CNTN5: variants seen among roughly 807,000 people sequenced by gnomAD.
The protein encoded by CNTN5 is contactin-5.
A neutral mutation model predicts 129.1 loss-of-function variants in CNTN5; 77 were observed. The observed-to-expected ratio is 0.60, with a 90% CI of 0.50 to 0.72. The LOEUF is 0.72. CNTN5 is among the 30% of genes least tolerant of loss of function. CNTN5 has a pLI of 0.00. For missense variants in CNTN5, 1,478 were observed against 1,328.8 expected (o/e 1.11, Z -1.75); for synonymous variants, 509 against 465.6 (o/e 1.09, Z -1.20).
At chr11:99,616,028 G>T (rs778295327) in intron 3 of CNTN5, among the ~76,000 whole-genome samples, 15 of 151,992 alleles carry the variant, frequency 9.9e-5, no homozygotes, top group Admixed American at 7.2e-4. Flanking sequence ...AAGCCACCAT[G>T]ACTGGCCTAG....
At chr11:99,594,683 C>G (rs1384967630) in intron 3 of CNTN5, among the ~76,000 whole-genome samples, 1 of 152,106 alleles carries the variant, frequency 6.6e-6, no homozygotes, top group East Asian at 1.9e-4. Flanking sequence ...CAGGTTTGCC[C>G]AGCACAAAGC....
In CNTN5 at chr11:99,979,512, C is replaced by A. The variant is rs187000405; in HGVS notation, c.877+22503C>A. On this transcript the variant is annotated intron_variant, in intron 8 of 24. Coordinates refer to ENST00000524871, the MANE Select transcript of CNTN5 (RefSeq NM_014361.4). ...AACCAAAAAACAAACCCACCTTCATCTTTTATGTTTTTGTGTGAGGCAGGC... is the reference window on the plus strand; with the variant it reads ...AACCAAAAAACAAACCCACCTTCATATTTTATGTTTTTGTGTGAGGCAGGC... 1.8e-4 allele frequency among the ~76,000 whole-genome samples: 27 copies of A among 152,192 alleles called. No homozygotes were observed. The East Asian group carries it at 3.7e-3, about 21-fold the overall frequency.
chr11:99,831,519 C>G (rs1357971757), intron 4 of CNTN5, among the ~76,000 whole-genome samples: 1 of 152,136 alleles, frequency 6.6e-6, no homozygotes, highest in Non-Finnish European at 1.5e-5. Context: ...TGCAGCTCAT[C>G]CATTTGCTGA....
chr11:99,337,279 C>T (rs866218078), intron 2 of CNTN5, among the ~76,000 whole-genome samples: 27 of 152,058 alleles, frequency 1.8e-4, no homozygotes, highest in East Asian at 1.2e-3. Context: ...AACCCAGCAG[C>T]GCTAGAGGAA....
intron 2 of CNTN5, among the ~76,000 whole-genome samples, chr11:99,444,900 T>C (rs1019782135): frequency 6.6e-6 from 1 of 151,738 alleles, no homozygotes; most frequent in African/African-American, 2.4e-5. Flanking sequence ...GTTAATACAG[T>C]TTTTGTTTTA....
At chr11:100,340,335 G>A (rs541610064) in intron 21 of CNTN5, 128 bp from the exon 22 acceptor site, 1 of 622,378 alleles carries the variant, frequency 1.6e-6, no homozygotes, top group Admixed American at 3.1e-5. Flanking sequence ...CTGTTAATTG[G>A]GTGATATAGG....
chr11:100,048,334 T>C (rs188394226), intron 9 of CNTN5, among the ~76,000 whole-genome samples: 3 of 152,272 alleles, frequency 2.0e-5, no homozygotes, highest in Admixed American at 1.3e-4. Flanking sequence ...GGACTCAGAC[T>C]GGATTACATC....
rs900241752 is a variant in CNTN5, at chr11:99,648,996, C to T, written c.55+92727C>T. Among the ~76,000 whole-genome samples, 3 of 151,636 alleles carry T rather than the reference C, an allele frequency of 2.0e-5. No individual in the cohort carries two copies. The East Asian group carries it at 5.8e-4, about 29-fold the overall frequency. Reference sequence around the variant, plus strand: ...GAATAAGTTATAGTATTCTATAACACTATGGCATAACTATAGTCAAGAAAA... The same window carrying T: ...GAATAAGTTATAGTATTCTATAACATTATGGCATAACTATAGTCAAGAAAA... On this transcript the variant is annotated intron_variant, in intron 3 of 24. Transcript: ENST00000524871.
intron 1 of CNTN5, among the ~76,000 whole-genome samples, chr11:99,291,448 C>G (rs925529173): frequency 1.3e-5 from 2 of 151,770 alleles, no homozygotes; most frequent in Non-Finnish European, 2.9e-5. Context: ...TAGGAGTTGT[C>G]TTTTCTAACT....
At position 99,639,795 on chromosome 11, in the gene CNTN5, C is replaced by G. The variant is rs543359535; in HGVS notation, c.55+83526C>G. ...GTCAGGCTGGTCTGAAACACCAGAC[C>G]TCAGGTGATCCACCCACCTCAGCCT... On this transcript the variant is annotated intron_variant, in intron 3 of 24. Coordinates refer to ENST00000524871, the MANE Select transcript of CNTN5 (RefSeq NM_014361.4). Among the ~76,000 whole-genome samples, 5 of 152,054 alleles carry G rather than the reference C, an allele frequency of 3.3e-5. No homozygotes were observed. In the East Asian group the frequency reaches 9.7e-4, roughly 30 times the overall value.
At chr11:99,789,914 C>T (rs1945678066) in intron 3 of CNTN5, among the ~76,000 whole-genome samples, 1 of 152,020 alleles carries the variant, frequency 6.6e-6, no homozygotes, top group Admixed American at 6.6e-5. Flanking sequence ...TTTTTCAACT[C>T]TTTCTCTATC....
chr11:99,865,026 C>T (rs1482401673), intron 6 of CNTN5, among the ~76,000 whole-genome samples: 3 of 152,146 alleles, frequency 2.0e-5, no homozygotes, highest in Admixed American at 2.0e-4. Flanking sequence ...GTTGCCTCTG[C>T]CTTAATCTAT....
intron 1 of CNTN5, among the ~76,000 whole-genome samples, chr11:99,149,366 C>A (rs1244405703): frequency 6.6e-6 from 1 of 151,700 alleles, no homozygotes; most frequent in Non-Finnish European, 1.5e-5. Flanking sequence ...GCAAGGGGTT[C>A]CAAATTTTAT....
intron 4 of CNTN5, chr11:99,844,543 ATAT>A (rs1947619366): frequency 5.4e-6 from 2 of 370,900 alleles, no homozygotes; most frequent in African/African-American, 2.2e-5. Flanking sequence ...TTTATGCTTA[ATAT>A]TATTATCCTT....
In CNTN5 at chr11:100,117,217, A is replaced by C. The variant is rs143160833; in HGVS notation, c.1580+42923A>C. On this transcript the variant is annotated intron_variant, in intron 13 of 24. Coordinates refer to ENST00000524871, the MANE Select transcript of CNTN5 (RefSeq NM_014361.4). ...AAATCACTCTACGTACCATCACTCA[A>C]AAGCATTTTTTGAATAACTTCAGGA... Among the ~76,000 whole-genome samples the C allele has an allele frequency of 2.5e-3, 378 of 152,056 alleles. 1 individual carries two copies. The highest frequency in any genetic ancestry group is 4.0e-3 in the Non-Finnish European group (272 of 67,906).
chr11:100,269,118 T>C (rs115964780), intron 17 of CNTN5, among the ~76,000 whole-genome samples: 84 of 152,226 alleles, frequency 5.5e-4, no homozygotes, highest in African/African-American at 1.9e-3. Context: ...TAAGGCGTAG[T>C]CAGGTGGGAG....
At chr11:100,011,518 G>A (rs537774430) in intron 9 of CNTN5, among the ~76,000 whole-genome samples, 2 of 152,006 alleles carry the variant, frequency 1.3e-5, no homozygotes, top group East Asian at 3.9e-4. Context: ...GATCTGCTCT[G>A]CTCAAAAGGC....
chr11:99,677,978 A>C (rs540386406), intron 3 of CNTN5, among the ~76,000 whole-genome samples: 53 of 152,140 alleles, frequency 3.5e-4, no homozygotes, highest in Non-Finnish European at 5.9e-4. Flanking sequence ...CAGATTTCCA[A>C]CTATTATGCT....
At chr11:99,271,611 A>G (rs1467949016) in intron 1 of CNTN5, among the ~76,000 whole-genome samples, 3 of 151,824 alleles carry the variant, frequency 2.0e-5, no homozygotes, top group Non-Finnish European at 4.4e-5. Flanking sequence ...TATTTCTGGC[A>G]AGAGGTTTTC....
Sources: allele counts gnomAD v4.1 joint callset (sites outside exome capture counted in the v4.1 genomes callset), GRCh38; gene constraint gnomAD v4.1.1; transcripts MANE v1.5; gene names NCBI Gene and HGNC (gene_info 2026-07-23, HGNC 2026-07-21).